SORBS2: variants seen among roughly 807,000 people sequenced by gnomAD.
SORBS2 encodes sorbin and SH3 domain containing 2, also known as sorbin and SH3 domain-containing protein 2.
SORBS2 carries 46 observed loss-of-function variants against 97.7 expected under a neutral mutation model. The observed-to-expected ratio is 0.47, with a 90% CI of 0.37 to 0.60. SORBS2 has a LOEUF of 0.60. Ranked by LOEUF, SORBS2 falls within the 20% of genes least tolerant of loss-of-function variation. The pLI, the probability that SORBS2 is intolerant of heterozygous loss-of-function variation, is 0.00. For missense variants in SORBS2, 1,316 were observed against 1,282.3 expected (o/e 1.03, Z -0.40); for synonymous variants, 476 against 473.4 (o/e 1.01, Z -0.07).
chr4:185,936,107 A>T (rs1265689495), intron 1 of SORBS2, among the ~76,000 whole-genome samples: 2 of 152,112 alleles, frequency 1.3e-5, no homozygotes. Context: ...GATTAGCCCG[A>T]CTCGGCCTCC....
exon 15 of SORBS2, chr4:185,586,007 GC>G: frequency 6.5e-6 from 1 of 152,710 alleles, no homozygotes; most frequent in South Asian, 2.1e-4. Flanking sequence ...ATAAGGAGAG[GC>G]TAGTCTGCTG....
intron 14 of SORBS2, 199 bp from the exon 27 acceptor site, chr4:185,587,887 C>G: frequency 1.9e-6 from 1 of 521,282 alleles, no homozygotes; most frequent in South Asian, 2.5e-5. Flanking sequence ...TCTCACTGCC[C>G]CTCCGGCATA....
chr4:185,789,237 GTTTC>G (rs778353539), intron 1 of SORBS2, among the ~76,000 whole-genome samples: 46 of 152,198 alleles, frequency 3.0e-4, no homozygotes, highest in Middle Eastern at 3.4e-3. Flanking sequence ...TTATTTTTGT[GTTTC>G]TTTGAGATTA....
chr4:185,592,430 A>G (rs2095969211), intron 13 of SORBS2, among the ~76,000 whole-genome samples: 1 of 152,254 alleles, frequency 6.6e-6, no homozygotes, highest in African/African-American at 2.4e-5. Context: ...GTAATGCAAT[A>G]AACCTAAACA....
chr4:185,699,002 G>A (rs2098220091), intron 2 of SORBS2, among the ~76,000 whole-genome samples: 1 of 152,012 alleles, frequency 6.6e-6, no homozygotes, highest in African/African-American at 2.4e-5. Context: ...TTCTTAAAAA[G>A]CCACACTTTT....
chr4:185,739,627 G>A (rs1459410301), intron 2 of SORBS2, among the ~76,000 whole-genome samples: 2 of 152,152 alleles, frequency 1.3e-5, no homozygotes, highest in Non-Finnish European at 2.9e-5. Flanking sequence ...TTTAGAAATG[G>A]TTCCCTCTAA....
chr4:185,755,966 A>G (rs1219260497), intron 2 of SORBS2, among the ~76,000 whole-genome samples: 2 of 152,232 alleles, frequency 1.3e-5, no homozygotes, highest in Admixed American at 6.5e-5. Flanking sequence ...GCAAAACAAA[A>G]AGCAAAAGAG....
intron 1 of SORBS2, among the ~76,000 whole-genome samples, chr4:185,876,688 T>C (rs1178730820): frequency 6.6e-6 from 1 of 152,254 alleles, no homozygotes; most frequent in African/African-American, 2.4e-5. Context: ...TTTCTGCCCA[T>C]GTGTCTTATG....
At chr4:185,710,196 G>A (rs1247916034) in intron 2 of SORBS2, among the ~76,000 whole-genome samples, 1 of 151,826 alleles carries the variant, frequency 6.6e-6, no homozygotes, top group Non-Finnish European at 1.5e-5. Flanking sequence ...CCCCAAGACT[G>A]AAGATCCCCA....
intron 2 of SORBS2, among the ~76,000 whole-genome samples, chr4:185,736,834 G>T (rs999495816): frequency 6.6e-6 from 1 of 152,184 alleles, no homozygotes; most frequent in South Asian, 2.1e-4. Flanking sequence ...GGAAAATCAG[G>T]AACCCGATAG....
Position 185,606,212 on chromosome 4 carries a change from C to A in SORBS2, c.2796+5568G>T. 1 of 985,378 alleles carries A rather than the reference C, an allele frequency of 1.0e-6. No individual in the cohort carries two copies. The highest frequency in any genetic ancestry group is 1.2e-6 in the Non-Finnish European group (1 of 829,922). The allele number at this position is 985,378 out of a possible 1,614,324, so 61.0% of individuals were successfully genotyped here. On this transcript the variant is annotated intron_variant, in intron 12 of 14. Coordinates refer to ENST00000418609, the Ensembl canonical transcript of SORBS2. The surrounding 1 kb of genome is among the most constrained non-coding windows in gnomAD (Gnocchi z 4.3). ...AAGTGGGGATGATAATGTCACACAC[C>A]TCACTGGGTTTTGACGATTAAAGAT...
intron 3 of SORBS2, among the ~76,000 whole-genome samples, chr4:185,647,431 G>A (rs77813561): frequency 5.3e-5 from 6 of 112,990 alleles, no homozygotes; most frequent in African/African-American, 1.6e-4. Context: ...TTTTTTTTTC[G>A]AGACAGAGTC....
intron 2 of SORBS2, 105 bp from the exon 12 acceptor site, chr4:185,649,761 AATT>A (rs1422478620): frequency 2.7e-5 from 17 of 625,236 alleles, no homozygotes; most frequent in Admixed American, 1.2e-4. Context: ...ATTGCATAGA[AATT>A]ATTATCAATA....
intron 1 of SORBS2, among the ~76,000 whole-genome samples, chr4:185,952,936 C>G (rs1312236388): frequency 3.3e-5 from 5 of 152,334 alleles, no homozygotes; most frequent in South Asian, 4.1e-4. Context: ...ATTAAGGTTA[C>G]AGCCTGAGCT....
chr4:185,860,083 G>A (rs1030105182), intron 1 of SORBS2, among the ~76,000 whole-genome samples: 1 of 152,204 alleles, frequency 6.6e-6, no homozygotes, highest in African/African-American at 2.4e-5. Context: ...ATAAGCAGGT[G>A]CAGGTTCCAG....
At chr4:185,597,027 C>A (rs187089672) in intron 12 of SORBS2, among the ~76,000 whole-genome samples, 16 of 152,264 alleles carry the variant, frequency 1.1e-4, no homozygotes, top group African/African-American at 2.6e-4. Context: ...CTTTTCAAAG[C>A]TTACCTTTAA....
chr4:185,712,460 T>TGCCAGGCAAGAGCTCAGAAGCC (rs2098429383), intron 2 of SORBS2, among the ~76,000 whole-genome samples: 1 of 152,240 alleles, frequency 6.6e-6, no homozygotes, highest in African/African-American at 2.4e-5. Context: ...TTTTCCTGGA[T>TGCCAGGCAAGAGCTCAGAAGCC]GCCAGGCAAG....
chr4:185,917,027 G>A (rs1328095467), intron 1 of SORBS2, among the ~76,000 whole-genome samples: 2 of 152,148 alleles, frequency 1.3e-5, no homozygotes, highest in African/African-American at 4.8e-5. Flanking sequence ...AGGTTAAGTG[G>A]ATCACCAATG....
At chr4:185,836,277 C>T (rs1244900668) in intron 1 of SORBS2, among the ~76,000 whole-genome samples, 3 of 152,178 alleles carry the variant, frequency 2.0e-5, no homozygotes, top group African/African-American at 7.2e-5. Flanking sequence ...TGAAAGCTTT[C>T]CCTGTCACAC....
Sources: allele counts gnomAD v4.1 joint callset (sites outside exome capture counted in the v4.1 genomes callset), GRCh38; gene constraint gnomAD v4.1.1; non-coding constraint Gnocchi (gnomAD v3.1); transcripts MANE v1.5; gene names NCBI Gene and HGNC (gene_info 2026-07-23, HGNC 2026-07-21).